DISC1: variants seen among roughly 807,000 people sequenced by gnomAD.
DISC1 encodes the protein disrupted in schizophrenia 1 protein.
A neutral mutation model predicts 84.5 loss-of-function variants in DISC1; 57 were observed. The observed-to-expected ratio is 0.67, with a 90% CI of 0.55 to 0.84. The LOEUF is 0.84. Ranked by LOEUF, DISC1 falls within the 40% of genes least tolerant of loss-of-function variation. The probability of loss-of-function intolerance (pLI) is 0.00; values close to 1 mark genes in which losing one functional copy is unlikely to be tolerated. For missense variants in DISC1, 1,000 were observed against 1,057.8 expected, an observed-to-expected ratio of 0.95 and a Z score of 0.76; for synonymous variants, 411 against 415.2, an observed-to-expected ratio of 0.99 and a Z score of 0.12.
At chr1:231,969,861 G>A (rs555450743) in intron 10 of DISC1, among the ~76,000 whole-genome samples, 13 of 151,480 alleles carry the variant, frequency 8.6e-5, no homozygotes, top group Admixed American at 2.0e-4. Context: ...TTGGTTTTTC[G>A]TCTTTGCGAT....
intron 9 of DISC1, among the ~76,000 whole-genome samples, chr1:231,844,055 G>A (rs888298215): frequency 6.6e-6 from 1 of 152,226 alleles, no homozygotes; most frequent in Non-Finnish European, 1.5e-5. Context: ...GAGCCACAAA[G>A]AAGCATGAGA....
chr1:231,992,476 T>G (rs541586339), intron 10 of DISC1, among the ~76,000 whole-genome samples: 3 of 152,384 alleles, frequency 2.0e-5, no homozygotes, highest in African/African-American at 7.2e-5. Context: ...TGACTTTCAT[T>G]TATGGCACGT....
chr1:231,907,214 C>G (rs574361670), intron 9 of DISC1, among the ~76,000 whole-genome samples: 1 of 149,228 alleles, frequency 6.7e-6, no homozygotes, highest in Admixed American at 6.7e-5. Flanking sequence ...ATGTGCACAA[C>G]GTGCAGGTTT....
At chr1:231,796,943 C>A (rs2078810597) in intron 7 of DISC1, among the ~76,000 whole-genome samples, 1 of 152,170 alleles carries the variant, frequency 6.6e-6, no homozygotes, top group South Asian at 2.1e-4. Context: ...TCTTGAACTT[C>A]TGAGCTCAAG....
At chr1:232,026,762 CTTTTTTTTTTT>C (rs545455868) in intron 12 of DISC1, among the ~76,000 whole-genome samples, 1,752 of 110,892 alleles carry the variant, frequency 0.016, 46 homozygotes, top group African/African-American at 0.056. Context: ...TTTCTTTTTT[CTTTTTTTTTTT>C]TTTTTTTTTT....
At chr1:231,780,724 G>T (rs1205767276) in intron 6 of DISC1, among the ~76,000 whole-genome samples, 1 of 90,230 alleles carries the variant, frequency 1.1e-5, no homozygotes. Flanking sequence ...TGTTTATTGC[G>T]GCATTATTCA....
chr1:231,907,107 T>TTCCCTCC (rs2088764989), intron 9 of DISC1, among the ~76,000 whole-genome samples: 6 of 31,330 alleles, frequency 1.9e-4, no homozygotes, highest in African/African-American at 4.1e-4. Context: ...TCCTTCCTTC[T>TTCCCTCC]CTCCTTCCTT....
At position 231,652,842 on chromosome 1, in the gene DISC1, C is replaced by T. The variant is rs1252371450; in HGVS notation, c.67+25908C>T. On this transcript the variant is annotated intron_variant, in intron 1 of 12. Coordinates refer to ENST00000439617, the MANE Select transcript of DISC1 (RefSeq NM_018662.3). ...TCGCCCAGGCTGGAGTGCAGTGGCA[C>T]GATTTTGGCTCACTGCAACCTCCAC... 9.9e-5 allele frequency among the ~76,000 whole-genome samples: 15 copies of T among 152,246 alleles called. No individual in the cohort carries two copies. The South Asian group carries it at 1.9e-3, about 19-fold the overall frequency.
At chr1:231,863,520 C>T (rs1404968322) in intron 9 of DISC1, among the ~76,000 whole-genome samples, 3 of 152,046 alleles carry the variant, frequency 2.0e-5, no homozygotes. Flanking sequence ...CGTGAGCCAC[C>T]GCGCCTGGCC....
intron 9 of DISC1, among the ~76,000 whole-genome samples, chr1:231,868,106 C>T (rs1032087353): frequency 6.6e-6 from 1 of 152,146 alleles, no homozygotes. Flanking sequence ...AAAAAATAAA[C>T]AGTTGTTTCT....
At chr1:231,763,961 G>T (rs1010657280) in intron 4 of DISC1, among the ~76,000 whole-genome samples, 22 of 152,206 alleles carry the variant, frequency 1.4e-4, no homozygotes, top group African/African-American at 5.3e-4. Context: ...CATATATTAG[G>T]ATCAGTTACT....
chr1:231,717,114 G>C (rs2068849230), intron 3 of DISC1, among the ~76,000 whole-genome samples: 1 of 152,060 alleles, frequency 6.6e-6, no homozygotes, highest in African/African-American at 2.4e-5. Flanking sequence ...AAGTCAATGA[G>C]GGCTTCAAAG....
chr1:231,816,482 C>G (rs563471630), intron 8 of DISC1, among the ~76,000 whole-genome samples: 1 of 152,164 alleles, frequency 6.6e-6, no homozygotes, highest in East Asian at 1.9e-4. Flanking sequence ...ATCTGAAGTT[C>G]TTGCCTACTC....
At chr1:232,028,365 C>T (rs923084933) in intron 12 of DISC1, among the ~76,000 whole-genome samples, 1 of 152,060 alleles carries the variant, frequency 6.6e-6, no homozygotes, top group Non-Finnish European at 1.5e-5. Flanking sequence ...GTACTGGTCT[C>T]TTATTGTGAA....
At chr1:231,952,227 A>G (rs915059255) in intron 9 of DISC1, among the ~76,000 whole-genome samples, 1 of 152,196 alleles carries the variant, frequency 6.6e-6, no homozygotes, top group African/African-American at 2.4e-5. Context: ...AGTAGGACTC[A>G]TATCTGTTAA....
At chr1:231,942,390 G>T (rs2091401965) in intron 9 of DISC1, among the ~76,000 whole-genome samples, 1 of 152,160 alleles carries the variant, frequency 6.6e-6, no homozygotes, top group Non-Finnish European at 1.5e-5. Context: ...CAGGCCAGGG[G>T]CAGTGGCTCC....
chr1:231,740,382 C>T (rs536066076), intron 3 of DISC1, among the ~76,000 whole-genome samples: 24 of 152,258 alleles, frequency 1.6e-4, no homozygotes, highest in South Asian at 6.2e-4. Context: ...GTGTCAAAGC[C>T]GTTGCCCGGA....
intron 3 of DISC1, among the ~76,000 whole-genome samples, chr1:231,714,782 A>T (rs1016764095): frequency 6.6e-6 from 1 of 152,142 alleles, no homozygotes; most frequent in Admixed American, 6.5e-5. Flanking sequence ...TTTCACACAT[A>T]TGCACATACA....
At chr1:231,903,796 A>G (rs2126033318) in intron 9 of DISC1, among the ~76,000 whole-genome samples, 1 of 152,350 alleles carries the variant, frequency 6.6e-6, no homozygotes, top group Admixed American at 6.5e-5. Context: ...GCAACAGATC[A>G]TGTGGGGTTG....
Sources: allele counts gnomAD v4.1 joint callset (sites outside exome capture counted in the v4.1 genomes callset), GRCh38; gene constraint gnomAD v4.1.1; transcripts MANE v1.5; gene names NCBI Gene and HGNC (gene_info 2026-07-23, HGNC 2026-07-21).